Variants in CNTN1 observed in about 807,000 individuals in gnomAD.
The protein encoded by CNTN1 is contactin-1.
CNTN1 carries 38 observed loss-of-function variants against 126.4 expected under a neutral mutation model. That is an observed-to-expected ratio of 0.30 (90% CI 0.23 to 0.39). The LOEUF (loss-of-function observed/expected upper bound fraction) is 0.39, where lower values mean the gene tolerates loss of function less well. CNTN1 is among the 10% of genes least tolerant of loss of function. The pLI is 1.00. For synonymous variants in CNTN1, 413 were observed against 422.6 expected (o/e 0.98, Z 0.28); for missense variants, 1,009 against 1,248.4 (o/e 0.81, Z 2.89).
At chr12:40,788,899 A>G (rs1940125141) in intron 1 of CNTN1, among the ~76,000 whole-genome samples, 1 of 152,116 alleles carries the variant, frequency 6.6e-6, no homozygotes, top group African/African-American at 2.4e-5. Flanking sequence ...TACATAGTAG[A>G]CACTTTATAC....
At chr12:40,809,814 T>TCACACA (rs3223354) in intron 1 of CNTN1, among the ~76,000 whole-genome samples, 13,799 of 146,724 alleles carry the variant, frequency 0.094, 887 homozygotes, top group African/African-American at 0.17. Flanking sequence ...AGACTCTGTC[T>TCACACA]CACACACACA....
intron 17 of CNTN1, among the ~76,000 whole-genome samples, chr12:40,997,734 AT>A (rs1948254427): frequency 1.3e-5 from 2 of 152,184 alleles, no homozygotes; most frequent in South Asian, 4.1e-4. Context: ...GATAATGCCA[AT>A]TCTCCATGAT....
chr12:40,806,982 G>A lies in CNTN1; in HGVS notation c.-76-101375G>A, dbSNP rs534532680. Among the ~76,000 whole-genome samples, 42 of 152,152 alleles carry A rather than the reference G, an allele frequency of 2.8e-4. 1 individual carries two copies. The highest frequency in any genetic ancestry group is 7.9e-4 in the African/African-American group (33 of 41,530). On this transcript the variant is annotated intron_variant, in intron 1 of 23. Transcript: ENST00000551295. Reference sequence around the variant, plus strand: ...GCAGCTTTCTACATCCTAAATGAAGGCTAGTTATAGAACTTTTTTGACTAT... The same window carrying A: ...GCAGCTTTCTACATCCTAAATGAAGACTAGTTATAGAACTTTTTTGACTAT...
chr12:40,901,338 A>G (rs542291877), intron 1 of CNTN1, among the ~76,000 whole-genome samples: 2 of 152,336 alleles, frequency 1.3e-5, no homozygotes, highest in Admixed American at 1.3e-4. Context: ...ACGCTAAGTC[A>G]GTGTTTTCCA....
At chr12:40,764,649 G>A (rs1939005463) in intron 1 of CNTN1, among the ~76,000 whole-genome samples, 1 of 152,224 alleles carries the variant, frequency 6.6e-6, no homozygotes, top group Non-Finnish European at 1.5e-5. Context: ...GCAATGGTCT[G>A]AGAAAAGTGA....
intron 4 of CNTN1, among the ~76,000 whole-genome samples, chr12:40,921,195 G>A (rs1945430818): frequency 1.3e-5 from 2 of 152,134 alleles, no homozygotes; most frequent in South Asian, 4.1e-4. Flanking sequence ...AACTAATAAT[G>A]TTCCAGTAAC....
At chr12:40,906,496 T>C (rs1944821727) in intron 1 of CNTN1, among the ~76,000 whole-genome samples, 1 of 152,052 alleles carries the variant, frequency 6.6e-6, no homozygotes, top group Admixed American at 6.6e-5. Flanking sequence ...TCAGGGAGTA[T>C]ATGTGTTCTC....
chr12:40,850,804 A>AT (rs768724294), intron 1 of CNTN1, among the ~76,000 whole-genome samples: 111 of 152,186 alleles, frequency 7.3e-4, no homozygotes, highest in South Asian at 5.0e-3. Flanking sequence ...ATATTTACTC[A>AT]TTTTTGCATT....
At chr12:40,937,212 T>G (rs1226468327) in intron 10 of CNTN1, among the ~76,000 whole-genome samples, 2 of 152,058 alleles carry the variant, frequency 1.3e-5, no homozygotes, top group Non-Finnish European at 2.9e-5. Flanking sequence ...CTTGCCACTA[T>G]TTTCCTGTAC....
At chr12:40,875,659 G>T (rs1413387124) in intron 1 of CNTN1, among the ~76,000 whole-genome samples, 3 of 151,896 alleles carry the variant, frequency 2.0e-5, no homozygotes, top group Non-Finnish European at 2.9e-5. Context: ...AAAATTCTCT[G>T]CAGATTCATC....
chr12:40,822,330 C>A (rs995224754), intron 1 of CNTN1, among the ~76,000 whole-genome samples: 1 of 150,944 alleles, frequency 6.6e-6, no homozygotes, highest in African/African-American at 2.4e-5. Flanking sequence ...AATTTTTGTA[C>A]CTTTAGTAGA....
At chr12:40,851,645 C>A (rs575274932) in intron 1 of CNTN1, among the ~76,000 whole-genome samples, 2 of 152,166 alleles carry the variant, frequency 1.3e-5, no homozygotes, top group South Asian at 4.1e-4. Flanking sequence ...CCATTCTGAC[C>A]ATGCACAGTA....
chr12:41,050,701 T>C (rs977290909), intron 23 of CNTN1, among the ~76,000 whole-genome samples: 11 of 152,216 alleles, frequency 7.2e-5, no homozygotes, highest in Non-Finnish European at 1.2e-4. Context: ...CTACCTTTGA[T>C]ATGAGCCATA....
chr12:40,922,306 T>A lies in CNTN1; in HGVS notation c.278T>A (p.Met93Lys), dbSNP rs142755965. Residue 93 changes from methionine (M) to lysine (K), a missense_variant, in exon 5 of 24, where the codon ATG becomes AAG. Physicochemically the swap from Met to Lys is moderately conservative, Grantham distance 95. Transcript: ENST00000551295. Reference protein sequence around the residue: ...DVDLTSDRYSMVGGNLVINNP... With the variant: ...DVDLTSDRYSKVGGNLVINNP... ...GATCTCACAAGTGATCGATACAGTATGGTAGGAGGAAACCTTGTTATCAAC... is the reference window on the plus strand; with the variant it reads ...GATCTCACAAGTGATCGATACAGTAAGGTAGGAGGAAACCTTGTTATCAAC... 6.2e-7 allele frequency: 1 copy of A among 1,613,930 alleles called. No homozygotes were observed. The highest frequency in any genetic ancestry group is 1.1e-5 in the South Asian group (1 of 91,086).
chr12:40,796,333 C>T (rs11178431), intron 1 of CNTN1, among the ~76,000 whole-genome samples: 40,277 of 151,900 alleles, frequency 0.27, 5,548 homozygotes, highest in East Asian at 0.42. Flanking sequence ...AGATTTGCTT[C>T]AGACCTTTAG....
intron 14 of CNTN1, among the ~76,000 whole-genome samples, chr12:40,956,962 A>C (rs1393267565): frequency 6.6e-6 from 1 of 151,970 alleles, no homozygotes; most frequent in Non-Finnish European, 1.5e-5. Context: ...AAGAATGGAT[A>C]AATTCAAGAA....
chr12:40,914,426 T>C (rs1208710168), intron 3 of CNTN1, among the ~76,000 whole-genome samples: 1 of 152,202 alleles, frequency 6.6e-6, no homozygotes, highest in East Asian at 1.9e-4. Context: ...TTGAGTAATG[T>C]TTCTTTCAAG....
chr12:40,769,883 T>G (rs1277199467), intron 1 of CNTN1, among the ~76,000 whole-genome samples: 1 of 152,126 alleles, frequency 6.6e-6, no homozygotes, highest in Non-Finnish European at 1.5e-5. Flanking sequence ...GCCCAGTAAT[T>G]AGTTATGTGT....
intron 4 of CNTN1, among the ~76,000 whole-genome samples, chr12:40,921,799 CAATT>C (rs761539267): frequency 1.8e-4 from 27 of 152,116 alleles, no homozygotes; most frequent in African/African-American, 2.4e-4. Context: ...AACCCACTGT[CAATT>C]AGTTTGTTTT....
Sources: allele counts gnomAD v4.1 joint callset (sites outside exome capture counted in the v4.1 genomes callset), GRCh38; gene constraint gnomAD v4.1.1; transcripts MANE v1.5; gene names NCBI Gene and HGNC (gene_info 2026-07-23, HGNC 2026-07-21).